Variants in PARVB observed in about 807,000 individuals in gnomAD.
PARVB encodes the protein parvin beta.
A neutral mutation model predicts 47.0 loss-of-function variants in PARVB; 46 were observed. The ratio of observed to expected loss-of-function variants is 0.98; its 90% CI spans 0.77 to 1.25. The LOEUF (loss-of-function observed/expected upper bound fraction) is 1.25, where lower values mean the gene tolerates loss of function less well. PARVB is among the 50% of genes most tolerant of loss of function. The pLI is 0.00. For missense variants in PARVB, 473 were observed against 471.6 expected, an observed-to-expected ratio of 1.00 and a Z score of -0.03; for synonymous variants, 196 against 196.3, an observed-to-expected ratio of 1.00 and a Z score of 0.01.
chr22:44,168,385 C>T, intron 12 of PARVB: 2 of 530,206 alleles, frequency 3.8e-6, no homozygotes, highest in South Asian at 2.1e-5. Context: ...CCTGTCCCCG[C>T]AGGGTGTCAG....
chr22:44,097,701 A>G (rs1269637240), intron 2 of PARVB, among the ~76,000 whole-genome samples: 2 of 152,138 alleles, frequency 1.3e-5, no homozygotes, highest in East Asian at 1.9e-4. Flanking sequence ...ACTGCCACAC[A>G]TAGCTGCCTG....
intron 4 of PARVB, among the ~76,000 whole-genome samples, chr22:44,120,567 G>A (rs1195363723): frequency 6.6e-6 from 1 of 152,168 alleles, no homozygotes; most frequent in Non-Finnish European, 1.5e-5. Context: ...ACAATGTCAG[G>A]CTGCCTGTCA....
intron 3 of PARVB, chr22:44,106,148 T>C (rs890386095): frequency 1.0e-4 from 15 of 144,936 alleles, no homozygotes; most frequent in African/African-American, 4.0e-4. Context: ...GTTTTTTTTT[T>C]TTTTTTTTTT....
At chr22:44,096,028 A>G (rs62226438) in intron 2 of PARVB, among the ~76,000 whole-genome samples, 15,780 of 152,220 alleles carry the variant, frequency 0.1, 855 homozygotes, top group Middle Eastern at 0.18. Context: ...GTTCGAAACC[A>G]GCCTGGCCAA....
upstream of PARVB, among the ~76,000 whole-genome samples, chr22:44,019,580 G>A (rs1221307750): frequency 6.6e-6 from 1 of 152,222 alleles, no homozygotes; most frequent in East Asian, 1.9e-4. Flanking sequence ...GGCTGCACAA[G>A]CAGCATGGCA....
At chr22:44,136,664 G>A (rs2053449345) in intron 7 of PARVB, 146 bp downstream of exon 7, 1 of 687,066 alleles carries the variant, frequency 1.5e-6, no homozygotes. Context: ...TCTCATGCTG[G>A]TTCCCACCCC....
intron 1 of PARVB, among the ~76,000 whole-genome samples, chr22:44,029,278 C>G (rs554080640): frequency 6.6e-6 from 1 of 152,328 alleles, no homozygotes; most frequent in South Asian, 2.1e-4. Flanking sequence ...AGCCACAGTG[C>G]CCGGCCTTGG....
chr22:44,066,851 C>T (rs1353472708), intron 1 of PARVB, among the ~76,000 whole-genome samples: 2 of 97,714 alleles, frequency 2.0e-5, no homozygotes, highest in Admixed American at 2.4e-4. Context: ...CTCTCTTCTT[C>T]TTCCTTTTTT....
In PARVB at chr22:44,155,759, G is replaced by T. The variant is rs183060631; in HGVS notation, c.844-2223G>T. On this transcript the variant is annotated intron_variant, in intron 10 of 12. Coordinates refer to ENST00000338758, the MANE Select transcript of PARVB (RefSeq NM_013327.5). This position sits in a 1 kb window ranked among gnomAD's most constrained non-coding sequence, Gnocchi z 4.8. ...ACACTTAAAAGAATTCTTCAAACCC[G>T]TCTGATCTCCTTAATGATAGGAGTG... Among the ~76,000 whole-genome samples, 4 of 152,246 alleles carry T rather than the reference G, an allele frequency of 2.6e-5. No individual in the cohort carries two copies. Among genetic ancestry groups the T allele is most frequent in the South Asian group, 2.1e-4 (1 of 4,824 alleles).
chr22:44,057,285 G>C (rs374213933), intron 1 of PARVB, among the ~76,000 whole-genome samples: 1 of 152,124 alleles, frequency 6.6e-6, no homozygotes, highest in East Asian at 1.9e-4. Context: ...ATAAATATTT[G>C]TTAGAATGAA....
rs193213194 is a variant in PARVB, at chr22:44,005,160, C to T, written c.211+5487C>T. On this transcript the variant is annotated intron_variant, in intron 2 of 13. Coordinates refer to the PARVB transcript ENST00000406477. ...TGTCACCCAGGCTGGAGTGCAGTGGCACAATCACGGCTCACTGCAGCTTCA... is the reference window on the plus strand; with the variant it reads ...TGTCACCCAGGCTGGAGTGCAGTGGTACAATCACGGCTCACTGCAGCTTCA... Among the ~76,000 whole-genome samples, 365 of 149,300 alleles carry T rather than the reference C, an allele frequency of 2.4e-3. 1 individual carries two copies. Among genetic ancestry groups the T allele is most frequent in the Non-Finnish European group, 4.7e-3 (313 of 67,182 alleles).
At chr22:44,050,336 C>A (rs1211891487) in intron 1 of PARVB, among the ~76,000 whole-genome samples, 1 of 151,136 alleles carries the variant, frequency 6.6e-6, no homozygotes, top group Non-Finnish European at 1.5e-5. Context: ...CTACAGGTGA[C>A]CCCTTTCGGC....
rs1472010368 is a variant in PARVB, at chr22:44,136,355, C to T, written c.634-105C>T. On this transcript the variant is annotated intron_variant, in intron 6 of 12. Transcript: ENST00000338758. ...CACCACCCCTCCTTCTCCTGTTGCT[C>T]TTTTCTAAGATGATCTCCGGCCCCG... The T allele has an allele frequency of 3.0e-6, 3 of 1,014,400 alleles. No individual in the cohort carries two copies. The South Asian group carries it at 3.9e-5, about 13-fold the overall frequency. 62.8% of individuals were successfully genotyped at this position (1,014,400 alleles called of 1,614,324 possible). A position where few individuals can be genotyped will look rare whatever the true frequency, so the allele number is the denominator to read the frequency against.
At chr22:44,145,036 G>T in intron 8 of PARVB, 1 of 155,656 alleles carries the variant, frequency 6.4e-6, no homozygotes, top group East Asian at 1.8e-4. Context: ...TCTTCCAAGA[G>T]AGGAGTCCCT....
chr22:44,120,586 G>A (rs2053021966), intron 4 of PARVB, among the ~76,000 whole-genome samples: 3 of 152,164 alleles, frequency 2.0e-5, no homozygotes, highest in Non-Finnish European at 4.4e-5. Flanking sequence ...CATTGGTGGT[G>A]CTGACAGTTT....
At chr22:44,052,140 C>T (rs909694477) in intron 1 of PARVB, among the ~76,000 whole-genome samples, 2 of 152,246 alleles carry the variant, frequency 1.3e-5, no homozygotes, top group Non-Finnish European at 1.5e-5. Flanking sequence ...GATGCGAATA[C>T]AGTCACCATC....
In PARVB at chr22:44,155,324, G is replaced by A. The variant is rs1350121079; in HGVS notation, c.844-2658G>A. Among the ~76,000 whole-genome samples the A allele has an allele frequency of 1.3e-5, 2 of 152,128 alleles. No homozygotes were observed. The highest frequency in any genetic ancestry group is 1.9e-4 in the East Asian group (1 of 5,184). On this transcript the variant is annotated intron_variant, in intron 10 of 12. Transcript: ENST00000338758. The surrounding 1 kb of genome is among the most constrained non-coding windows in gnomAD (Gnocchi z 4.8). ...GCGGTGGTGGGGCCTCTGGGCCTCC[G>A]TGGGGATTCTGCTCCCTGCTGAGCT...
At chr22:44,058,610 A>G (rs2051359744) in intron 1 of PARVB, among the ~76,000 whole-genome samples, 1 of 140,694 alleles carries the variant, frequency 7.1e-6, no homozygotes, top group Admixed American at 7.7e-5. Flanking sequence ...GCTGGAGTGC[A>G]ATGGCACGAT....
At chr22:44,084,398 A>T (rs1214660166) in intron 1 of PARVB, among the ~76,000 whole-genome samples, 1 of 152,188 alleles carries the variant, frequency 6.6e-6, no homozygotes, top group East Asian at 1.9e-4. Flanking sequence ...GAAGAAAAGC[A>T]ATGGTGTCCA....
Sources: gnomAD v4.1 joint callset for allele counts (sites outside exome capture counted in the v4.1 genomes callset) on GRCh38, gnomAD v4.1.1 for gene constraint, Gnocchi (gnomAD v3.1) non-coding constraint, MANE v1.5 for transcripts, NCBI Gene and HGNC (gene_info 2026-07-23, HGNC 2026-07-21) for gene names.